MON2: variants seen among roughly 807,000 people sequenced by gnomAD.
MON2 encodes the protein MON2 regulator of endosome-to-Golgi trafficking.
A neutral mutation model predicts 208.6 loss-of-function variants in MON2; 84 were observed. The ratio of observed to expected loss-of-function variants is 0.40; its 90% CI spans 0.34 to 0.48. The LOEUF (loss-of-function observed/expected upper bound fraction) is 0.48, where lower values mean the gene tolerates loss of function less well. MON2 is among the 20% of genes least tolerant of loss of function. The pLI is 0.59. For synonymous variants in MON2, 660 were observed against 694.0 expected, an observed-to-expected ratio of 0.95 and a Z score of 0.77; for missense variants, 1,611 against 2,015.4, an observed-to-expected ratio of 0.80 and a Z score of 3.84.
At chr12:62,539,755 G>A (rs1049556724) in intron 19 of MON2, among the ~76,000 whole-genome samples, 1 of 151,674 alleles carries the variant, frequency 6.6e-6, no homozygotes. Flanking sequence ...GGTGGCTTAC[G>A]CCTGTAATCC....
intron 3 of MON2, 55 bp from the exon 4 acceptor site, chr12:62,494,961 G>A (rs565861672): frequency 3.1e-6 from 4 of 1,308,818 alleles, no homozygotes; most frequent in Admixed American, 4.2e-5. Flanking sequence ...CTTATTTAGG[G>A]ACATCAACAT....
intron 33 of MON2, 52 bp from the exon 34 acceptor site, chr12:62,588,022 T>A (rs762515905): frequency 4.1e-6 from 5 of 1,220,080 alleles, no homozygotes; most frequent in South Asian, 3.8e-5. Flanking sequence ...AAAACAAACA[T>A]ACCTGGCAAC....
At chr12:62,534,761 G>T (rs1348704172) in intron 12 of MON2, 84 bp from the exon 13 acceptor site, 5 of 928,820 alleles carry the variant, frequency 5.4e-6, no homozygotes, top group Non-Finnish European at 8.4e-6. Flanking sequence ...CATATTGTCT[G>T]GGAAAATTTT....
Position 62,500,855 on chromosome 12 carries a change from C to CTA in MON2, c.639_640dup (p.Lys214IlefsTer23). On this transcript the variant is annotated frameshift_variant, in exon 6 of 35. Transcript: ENST00000393630. LOFTEE classifies it high-confidence loss of function. ...TCTGTCAGTACCCTCAAACCTTGTG[C>CTA]TAAAGATGCATATATGCTTTTCCAG... is the stretch of plus-strand genomic sequence containing the variant. 1 of 1,583,554 alleles carries CTA rather than the reference C, an allele frequency of 6.3e-7. No individual in the cohort carries two copies. The highest frequency in any genetic ancestry group is 1.2e-5 in the South Asian group (1 of 85,992).
Position 62,538,493 on chromosome 12 carries a change from T to C in MON2, c.2352T>C (p.Tyr784=). 6.3e-7 allele frequency: 1 copy of C among 1,597,732 alleles called. No individual in the cohort carries two copies. The highest frequency in any genetic ancestry group is 8.6e-7 in the Non-Finnish European group (1 of 1,165,884). Residue 784 remains tyrosine, a synonymous_variant, in exon 19 of 35, where the codon TAT becomes TAC. Transcript: ENST00000393630. The part of the protein sequence containing the change: ...SLSLEAMDMA[Y]GNNKEPSLFA... Reference sequence around the variant, plus strand: ...CTCTAGAAGCAATGGATATGGCCTATGGAAATAATAAGGTGTGATATTCTA... The same window carrying C: ...CTCTAGAAGCAATGGATATGGCCTACGGAAATAATAAGGTGTGATATTCTA...
intron 1 of MON2, among the ~76,000 whole-genome samples, chr12:62,467,965 C>T (rs10877853): frequency 0.59 from 78,231 of 131,520 alleles, 20,725 homozygotes; most frequent in African/African-American, 0.66. Flanking sequence ...GTTTTTTTTT[C>T]CAGCTGTAAA....
intron 20 of MON2, chr12:62,544,642 G>A (rs1188617519): frequency 1.4e-6 from 1 of 710,200 alleles, no homozygotes; most frequent in Non-Finnish European, 2.1e-6. Flanking sequence ...CTTGGTATTA[G>A]CTTGCTTCTT....
In MON2 at chr12:62,545,461, C is replaced by T. The variant is rs536640056; in HGVS notation, c.2577+453C>T. 4 of 151,980 alleles carry T rather than the reference C, an allele frequency of 2.6e-5. No homozygotes were observed. The East Asian group carries it at 7.7e-4, about 29-fold the overall frequency. The allele number at this position is 151,980 out of a possible 1,614,324, so 9.4% of individuals were successfully genotyped here. On this transcript the variant is annotated intron_variant, in intron 21 of 34. Coordinates refer to ENST00000393630, the MANE Select transcript of MON2 (RefSeq NM_015026.3). ...TTTTACTTCCAGAGTTTACTTTTGT[C>T]ATGAATTCTTTGTCCTGACTCTCTA...
chr12:62,572,071 T>A (rs369006023), intron 30 of MON2, among the ~76,000 whole-genome samples: 1 of 152,254 alleles, frequency 6.6e-6, no homozygotes, highest in East Asian at 1.9e-4. Context: ...CTCACTGAAC[T>A]ACTTACTGTA....
intron 34 of MON2, among the ~76,000 whole-genome samples, chr12:62,588,482 A>G (rs563788432): frequency 6.6e-6 from 1 of 152,238 alleles, no homozygotes; most frequent in Admixed American, 6.5e-5. Context: ...CAGGTGGAAA[A>G]GGGCTTTATC....
intron 25 of MON2, among the ~76,000 whole-genome samples, chr12:62,556,494 A>G (rs2073971415): frequency 6.6e-6 from 1 of 152,230 alleles, no homozygotes. Context: ...TTCGGTAAGT[A>G]TTTGACCTGG....
chr12:62,522,633 C>T (rs892570635), intron 8 of MON2, among the ~76,000 whole-genome samples: 1 of 152,112 alleles, frequency 6.6e-6, no homozygotes, highest in African/African-American at 2.4e-5. Flanking sequence ...ATATCTGGGT[C>T]ACAAAAATTG....
At chr12:62,587,831 C>T in intron 33 of MON2, 1 of 308,512 alleles carries the variant, frequency 3.2e-6, no homozygotes, top group Non-Finnish European at 5.9e-6. Flanking sequence ...AGTAGATTGC[C>T]CCACCTCTTT....
chr12:62,522,439 T>G (rs1333037463), intron 8 of MON2, among the ~76,000 whole-genome samples: 2 of 152,224 alleles, frequency 1.3e-5, no homozygotes, highest in East Asian at 1.9e-4. Context: ...AGTCAACTCT[T>G]ACATACAGGA....
chr12:62,501,761 G>A (rs2070844662), intron 7 of MON2, 63 bp downstream of exon 7: 2 of 1,579,270 alleles, frequency 1.3e-6, no homozygotes, highest in East Asian at 4.5e-5. Flanking sequence ...TATTTTTAAA[G>A]AAAGCAACGT....
intron 1 of MON2, chr12:62,470,621 C>G (rs1233084102): frequency 2.0e-6 from 1 of 506,894 alleles, no homozygotes; most frequent in Non-Finnish European, 2.7e-6. Flanking sequence ...TATTCAGTGG[C>G]CTTTAGAGGA....
intron 11 of MON2, 112 bp downstream of exon 11, chr12:62,526,214 T>C: frequency 1.0e-6 from 1 of 978,424 alleles, no homozygotes; most frequent in South Asian, 1.5e-5. Flanking sequence ...TCTAAGGTAT[T>C]TTAGAGCTCA....
chr12:62,585,113 AAC>A lies in MON2; in HGVS notation c.4700-179_4700-178del, dbSNP rs1263363645. 2.5e-3 allele frequency among the ~76,000 whole-genome samples: 158 copies of A among 63,028 alleles called. 5 individuals are homozygous for A. The highest frequency in any genetic ancestry group is 0.017 in the Admixed American group (125 of 7,236). 41.3% of individuals were successfully genotyped at this position (63,028 alleles called of 152,430 possible). A position where few individuals can be genotyped will look rare whatever the true frequency, so the allele number is the denominator to read the frequency against. ...CACACACACACACACACACACACAA[AAC>A]AAAAAAAAACAAAAAAAAAACACAT... On this transcript the variant is annotated intron_variant, in intron 32 of 34. Transcript: ENST00000393630.
chr12:62,524,896 A>G (rs552559991), intron 9 of MON2, among the ~76,000 whole-genome samples, 188 bp from the exon 10 acceptor site: 1 of 152,254 alleles, frequency 6.6e-6, no homozygotes, highest in East Asian at 1.9e-4. Flanking sequence ...TATAGCCAAA[A>G]TAATTTTTTT....
Sources: allele counts gnomAD v4.1 joint callset (sites outside exome capture counted in the v4.1 genomes callset), GRCh38; gene constraint gnomAD v4.1.1; transcripts MANE v1.5; gene names NCBI Gene and HGNC (gene_info 2026-07-23, HGNC 2026-07-21).